Variants in PCNT observed in about 807,000 individuals in gnomAD.
PCNT encodes the protein kendrin.
PCNT carries 319 observed loss-of-function variants against 380.4 expected under a neutral mutation model. That is an observed-to-expected ratio of 0.84 (90% confidence interval 0.77 to 0.92). The LOEUF (loss-of-function observed/expected upper bound fraction) is 0.92. Ranked by LOEUF, PCNT falls within the 40% of genes least tolerant of loss-of-function variation. The pLI, the probability that PCNT is intolerant of heterozygous loss-of-function variation, is 0.00. For missense variants in PCNT, 4,400 were observed against 4,255.3 expected (o/e 1.03, Z -0.95); for synonymous variants, 1,845 against 1,735.2 (o/e 1.06, Z -1.57).
At chr21:46,363,981 C>G in intron 14 of PCNT, 47 bp downstream of exon 14, 2 of 1,555,788 alleles carry the variant, frequency 1.3e-6, no homozygotes, top group Non-Finnish European at 1.8e-6. Context: ...GGCCAGACAC[C>G]TTGGAGGGTA....
chr21:46,332,968 C>G (rs567625642), intron 2 of PCNT, among the ~76,000 whole-genome samples: 19 of 152,276 alleles, frequency 1.2e-4, no homozygotes, highest in Non-Finnish European at 2.2e-4. Context: ...AAAAAATAAG[C>G]TGGGCACAGT....
At chr21:46,403,950 C>T (rs2086539544) in intron 27 of PCNT, among the ~76,000 whole-genome samples, 1 of 135,970 alleles carries the variant, frequency 7.4e-6, no homozygotes, top group Admixed American at 7.4e-5. Flanking sequence ...TGAATGAACA[C>T]AGCGTGGGAG....
In PCNT at chr21:46,390,711, A is replaced by G. The variant is rs774651598; in HGVS notation, c.3882A>G (p.Glu1294=). 5 of 1,614,052 alleles carry G rather than the reference A, an allele frequency of 3.1e-6. No individual in the cohort carries two copies. The South Asian group carries it at 4.4e-5, about 14-fold the overall frequency. ...ARQIHSRFEK[E]FSFKNEETAQ... is the part of the protein sequence containing the mutation. ...AAATTCATTCTCGTTTTGAAAAAGA[A>G]TTTAGTTTTAAGAATGAGGAGACAG... The change falls in exon 20 of 47, where the codon GAA becomes GAG. Residue 1294 remains glutamate (E), a synonymous_variant. Transcript: ENST00000359568.
At chr21:46,336,599 C>T (rs914129631) in intron 3 of PCNT, among the ~76,000 whole-genome samples, 1 of 152,026 alleles carries the variant, frequency 6.6e-6, no homozygotes, top group African/African-American at 2.4e-5. Context: ...GCCCTGTCTC[C>T]GTTCTGAGTC....
intron 19 of PCNT, among the ~76,000 whole-genome samples, chr21:46,390,185 C>T (rs532338778): frequency 2.0e-5 from 3 of 152,294 alleles, no homozygotes; most frequent in East Asian, 3.9e-4. Flanking sequence ...TGGTGGCATG[C>T]GTCTGCGGTC....
chr21:46,437,699 T>C (rs1055409030), intron 40 of PCNT, among the ~76,000 whole-genome samples: 1 of 152,164 alleles, frequency 6.6e-6, no homozygotes, highest in African/African-American at 2.4e-5. Flanking sequence ...GCATGTGAGG[T>C]GCAGGGGAGC....
At chr21:46,430,467 G>A (rs1054036504) in intron 36 of PCNT, 40 bp from the exon 37 acceptor site, 2 of 1,548,848 alleles carry the variant, frequency 1.3e-6, no homozygotes, top group Non-Finnish European at 1.7e-6. Context: ...AACACACTCT[G>A]GCCCACGTGG....
At chr21:46,422,423 G>A (rs999686008) in intron 32 of PCNT, among the ~76,000 whole-genome samples, 8 of 133,036 alleles carry the variant, frequency 6.0e-5, no homozygotes, top group Admixed American at 2.1e-4. Flanking sequence ...CCTCTCTCCC[G>A]CCTGTGCCTC....
intron 21 of PCNT, among the ~76,000 whole-genome samples, chr21:46,395,761 A>G (rs1295086057): frequency 1.3e-5 from 2 of 151,738 alleles, no homozygotes; most frequent in East Asian, 3.9e-4. Context: ...CTCAGAAATA[A>G]TAGTAATAAA....
chr21:46,440,520 C>T (rs1158985203), intron 42 of PCNT, among the ~76,000 whole-genome samples: 1 of 152,276 alleles, frequency 6.6e-6, no homozygotes, highest in East Asian at 1.9e-4. Context: ...CTGCAGTCTC[C>T]TGATGGCACA....
At chr21:46,356,400 C>T (rs2084478872) in intron 12 of PCNT, among the ~76,000 whole-genome samples, 1 of 152,268 alleles carries the variant, frequency 6.6e-6, no homozygotes, top group African/African-American at 2.4e-5. Flanking sequence ...ATTGTCCCCA[C>T]AGCCACCCCT....
intron 26 of PCNT, 92 bp downstream of exon 26, chr21:46,401,813 C>T (rs1400618303): frequency 5.1e-6 from 6 of 1,169,464 alleles, no homozygotes; most frequent in African/African-American, 4.6e-5. Flanking sequence ...ATAACACAGG[C>T]GATGGGCTTG....
chr21:46,349,607 C>T lies in PCNT; in HGVS notation c.1208-77C>T, dbSNP rs1281434054. ...GCTCTGGGTGGCAGCGCTCTGGGTG[C>T]ACCATTATTGTCACTGAGGTCGCTG... On this transcript the variant is annotated intron_variant, in intron 7 of 46. Coordinates refer to ENST00000359568, the MANE Select transcript of PCNT (RefSeq NM_006031.6). The T allele has an allele frequency of 3.4e-6, 5 of 1,483,640 alleles. No individual in the cohort carries two copies. In the African/African-American group the frequency reaches 5.5e-5, roughly 16 times the overall value. The allele number at this position is 1,483,640 out of a possible 1,614,324, so 91.9% of individuals were successfully genotyped here. A position where few individuals can be genotyped will look rare whatever the true frequency, so the allele number is the denominator to read the frequency against.
At chr21:46,327,657 A>T (rs933465352) in intron 2 of PCNT, among the ~76,000 whole-genome samples, 2 of 152,222 alleles carry the variant, frequency 1.3e-5, no homozygotes, top group Non-Finnish European at 2.9e-5. Flanking sequence ...GAAGACTGGG[A>T]GTTCTTCGTG....
intron 14 of PCNT, among the ~76,000 whole-genome samples, 190 bp from the exon 15 acceptor site, chr21:46,366,394 T>C (rs764125637): frequency 9.9e-5 from 15 of 152,072 alleles, no homozygotes; most frequent in Non-Finnish European, 1.6e-4. Flanking sequence ...TCTGGCTTCA[T>C]GGGGCCTCTT....
chr21:46,330,509 T>C (rs1348376892), intron 2 of PCNT, among the ~76,000 whole-genome samples: 1 of 152,224 alleles, frequency 6.6e-6, no homozygotes, highest in Admixed American at 6.5e-5. Flanking sequence ...AAGTTAGGAA[T>C]CAAATTTCTT....
At chr21:46,347,313 A>G in intron 5 of PCNT, 144 bp from the exon 6 acceptor site, 1 of 832,320 alleles carries the variant, frequency 1.2e-6, no homozygotes, top group Non-Finnish European at 2.1e-6. Flanking sequence ...TATTAAAGCC[A>G]AGCATCATCA....
Position 46,366,794 on chromosome 21 carries a change from T to C in PCNT, c.2820T>C (p.Ala940=), listed in dbSNP as rs1283510098. ...LTASLESKQG[A]LLAARVAELQ... is the part of the protein sequence containing the mutation. Reference sequence around the variant, plus strand: ...CCTCCTTAGAGAGCAAGCAGGGGGCTCTGCTGGCTGCACGTGTGGCCGAAC... The same window carrying C: ...CCTCCTTAGAGAGCAAGCAGGGGGCCCTGCTGGCTGCACGTGTGGCCGAAC... The change falls in exon 15 of 47, where the codon GCT becomes GCC. Residue 940 remains alanine, a synonymous_variant. Coordinates refer to ENST00000359568, the MANE Select transcript of PCNT (RefSeq NM_006031.6). 9.9e-6 allele frequency: 16 copies of C among 1,613,752 alleles called. No homozygotes were observed. Among genetic ancestry groups the C allele is most frequent in the Non-Finnish European group, 1.4e-5 (16 of 1,180,024 alleles).
chr21:46,343,831 C>G (rs920718500), intron 3 of PCNT, among the ~76,000 whole-genome samples: 1 of 152,108 alleles, frequency 6.6e-6, no homozygotes, highest in Non-Finnish European at 1.5e-5. Flanking sequence ...TCTGTTTCTT[C>G]CTGGTCTAAT....
Sources: allele counts gnomAD v4.1 joint callset (sites outside exome capture counted in the v4.1 genomes callset), GRCh38; gene constraint gnomAD v4.1.1; transcripts MANE v1.5; gene names NCBI Gene and HGNC (gene_info 2026-07-23, HGNC 2026-07-21).